NKAIN1: variants seen among roughly 807,000 people sequenced by gnomAD.
NKAIN1 encodes sodium/potassium-transporting ATPase subunit beta-1-interacting protein 1.
Under a neutral mutation model 31.6 loss-of-function variants are expected in NKAIN1, and 13 were observed. That is an observed-to-expected ratio of 0.41 (90% confidence interval 0.27 to 0.65). The LOEUF (loss-of-function observed/expected upper bound fraction) is 0.65. Ranked by LOEUF, NKAIN1 falls within the 30% of genes least tolerant of loss-of-function variation. NKAIN1 has a pLI of 0.30. For synonymous variants in NKAIN1, 104 were observed against 109.0 expected (o/e 0.95, Z 0.28); for missense variants, 193 against 262.2 (o/e 0.74, Z 1.82).
intron 1 of NKAIN1, among the ~76,000 whole-genome samples, chr1:31,201,994 C>T (rs775800774): frequency 2.0e-5 from 3 of 152,208 alleles, no homozygotes; most frequent in African/African-American, 4.8e-5. Context: ...CCTCTACCTC[C>T]GCTGGGCCTG....
rs183818957 is a variant in NKAIN1 at position 31,228,157 on chromosome 1, T to C, written c.54+11337A>G. ...GCCTATTATGAGCAGTCTCGGGCTC[T>C]GAGCACTGGTAATTATGCCTAATTG... On this transcript the variant is annotated intron_variant, in intron 1 of 6. Transcript: ENST00000373736. Among the ~76,000 whole-genome samples, 115 of 152,356 alleles carry C rather than the reference T, an allele frequency of 7.5e-4. 1 individual carries two copies. Among genetic ancestry groups the C allele is most frequent in the Non-Finnish European group, 1.2e-3 (83 of 68,034 alleles).
chr1:31,204,316 G>T (rs1645406969), intron 1 of NKAIN1, among the ~76,000 whole-genome samples: 1 of 152,170 alleles, frequency 6.6e-6, no homozygotes, highest in African/African-American at 2.4e-5. Context: ...GGATGGACTG[G>T]AAGTGGGAGA....
intron 1 of NKAIN1, among the ~76,000 whole-genome samples, chr1:31,194,535 T>C (rs1645309362): frequency 6.7e-6 from 1 of 149,430 alleles, no homozygotes; most frequent in Non-Finnish European, 1.5e-5. Context: ...GCCTCCCGAG[T>C]AGCTGGGATT....
intron 1 of NKAIN1, among the ~76,000 whole-genome samples, chr1:31,189,464 C>T (rs1269519278): frequency 6.6e-6 from 1 of 152,132 alleles, no homozygotes; most frequent in Non-Finnish European, 1.5e-5. Context: ...CTACAGGCAC[C>T]TGCCACCATA....
intron 1 of NKAIN1, among the ~76,000 whole-genome samples, chr1:31,206,096 G>A (rs908700037): frequency 3.3e-5 from 5 of 149,984 alleles, no homozygotes; most frequent in South Asian, 2.1e-4. Context: ...TTAGCTGGGC[G>A]TGGTGGTGGG....
In NKAIN1 at chr1:31,233,932, A is replaced by C. The variant is rs77388942; in HGVS notation, c.54+5562T>G. ...GAGTCACAAAGCAAGGCCTGATCCC[A>C]GATGTAGTGCTCCTAGCCCCTGTGC... On this transcript the variant is annotated intron_variant, in intron 1 of 6. Coordinates refer to ENST00000373736, the MANE Select transcript of NKAIN1 (RefSeq NM_024522.3). The surrounding 1 kb of genome is among the most constrained non-coding windows in gnomAD (Gnocchi z 4.0). Among the ~76,000 whole-genome samples the C allele has an allele frequency of 6.0e-3, 908 of 152,348 alleles. 75 individuals carry two copies. In the East Asian group the frequency reaches 0.15, roughly 25 times the overall value.
chr1:31,218,826 T>C (rs753012620), intron 1 of NKAIN1, among the ~76,000 whole-genome samples: 2 of 152,186 alleles, frequency 1.3e-5, no homozygotes, highest in Non-Finnish European at 2.9e-5. Context: ...CTCAGTTCAG[T>C]GGATGATCCC....
chr1:31,211,979 T>C (rs573609655), intron 1 of NKAIN1, among the ~76,000 whole-genome samples: 2 of 151,896 alleles, frequency 1.3e-5, no homozygotes, highest in Non-Finnish European at 2.9e-5. Context: ...AAAATATATA[T>C]ATGGAGTTCA....
chr1:31,186,007 C>A (rs1220049147), intron 2 of NKAIN1, among the ~76,000 whole-genome samples: 1 of 149,408 alleles, frequency 6.7e-6, no homozygotes, highest in Non-Finnish European at 1.5e-5. Flanking sequence ...GTGGGCAGAT[C>A]ATTTGAGCTC....
rs571485654 is a variant in NKAIN1, at chr1:31,188,374, G to A, written c.55-187C>T. 7 of 632,490 alleles carry A rather than the reference G, an allele frequency of 1.1e-5. No individual in the cohort carries two copies. In the South Asian group the frequency reaches 1.2e-4, roughly 11 times the overall value. 39.2% of individuals were successfully genotyped at this position (632,490 alleles called of 1,614,324 possible). On this transcript the variant is annotated intron_variant, in intron 1 of 6. Coordinates refer to ENST00000373736, the MANE Select transcript of NKAIN1 (RefSeq NM_024522.3). ...TTAAGCCTGATCATCACTTTGGGGT[G>A]GGCTGAAAGGTGATAGGAGTGAGGG...
intron 1 of NKAIN1, among the ~76,000 whole-genome samples, chr1:31,211,661 A>C (rs571598653): frequency 6.6e-6 from 1 of 151,178 alleles, no homozygotes. Flanking sequence ...AAATATGTGG[A>C]ATCTTGGCTG....
At chr1:31,209,653 C>CA (rs1334481985) in intron 1 of NKAIN1, among the ~76,000 whole-genome samples, 1 of 151,164 alleles carries the variant, frequency 6.6e-6, no homozygotes, top group East Asian at 1.9e-4. Context: ...CCTGTCTCTA[C>CA]AAAAAATAAA....
intron 2 of NKAIN1, among the ~76,000 whole-genome samples, chr1:31,186,079 G>C: frequency 6.8e-6 from 1 of 146,356 alleles, no homozygotes; most frequent in South Asian, 2.2e-4. Flanking sequence ...AAAAAAAAAA[G>C]AGGCCAGGCG....
At position 31,239,688 on chromosome 1, in the gene NKAIN1, A is replaced by G. The variant is rs1226399053; in HGVS notation, c.-141T>C. The G allele has an allele frequency of 9.1e-6, 2 of 218,844 alleles. No individual in the cohort carries two copies. The highest frequency in any genetic ancestry group is 4.8e-5 in the African/African-American group (2 of 41,978). The allele number at this position is 218,844 out of a possible 1,614,324, so 13.6% of individuals were successfully genotyped here. On this transcript the variant is annotated 5_prime_UTR_variant, in exon 1 of 7. Coordinates refer to ENST00000373736, the MANE Select transcript of NKAIN1 (RefSeq NM_024522.3). This position sits in a 1 kb window ranked among gnomAD's most constrained non-coding sequence, Gnocchi z 4.8. Reference sequence around the variant, plus strand: ...CCGGGCGCCTAGGGCCGGGCCCGGGAGTGTCCGGTCCCCAAGGCTGGGGCC... The same window carrying G: ...CCGGGCGCCTAGGGCCGGGCCCGGGGGTGTCCGGTCCCCAAGGCTGGGGCC...
At chr1:31,207,471 C>T (rs1645433789) in intron 1 of NKAIN1, among the ~76,000 whole-genome samples, 2 of 152,182 alleles carry the variant, frequency 1.3e-5, no homozygotes, top group Non-Finnish European at 2.9e-5. Flanking sequence ...CTGTGTTGCT[C>T]ATACAGAGGA....
intron 1 of NKAIN1, among the ~76,000 whole-genome samples, chr1:31,209,597 C>T (rs1645451469): frequency 6.6e-6 from 1 of 152,086 alleles, no homozygotes; most frequent in Non-Finnish European, 1.5e-5. Context: ...TGCAGCATTG[C>T]TTCAGCCCAG....
intron 1 of NKAIN1, among the ~76,000 whole-genome samples, chr1:31,197,037 T>G (rs1223222210): frequency 6.6e-6 from 1 of 152,012 alleles, no homozygotes; most frequent in African/African-American, 2.4e-5. Flanking sequence ...AAATTATATT[T>G]TTCTGCAAAA....
intron 1 of NKAIN1, among the ~76,000 whole-genome samples, chr1:31,208,707 T>C (rs1051629779): frequency 2.6e-5 from 4 of 152,174 alleles, no homozygotes; most frequent in African/African-American, 4.8e-5. Context: ...AATGCTCCCT[T>C]GAAGCTGCCC....
chr1:31,225,481 G>A (rs1645597015), intron 1 of NKAIN1, among the ~76,000 whole-genome samples: 2 of 151,706 alleles, frequency 1.3e-5, no homozygotes, highest in South Asian at 2.1e-4. Context: ...GGCACCCACC[G>A]ACATGCCTGG....
Sources: allele counts gnomAD v4.1 joint callset (sites outside exome capture counted in the v4.1 genomes callset), GRCh38; gene constraint gnomAD v4.1.1; non-coding constraint Gnocchi (gnomAD v3.1); transcripts MANE v1.5; gene names NCBI Gene and HGNC (gene_info 2026-07-23, HGNC 2026-07-21).